Variants in MALRD1 observed in about 807,000 individuals in gnomAD.
MALRD1 encodes MAM and LDL receptor class A domain containing 1.
In MALRD1, 247 loss-of-function variants were observed where a neutral mutation model predicts 242.1. The ratio of observed to expected loss-of-function variants is 1.02; its 90% confidence interval spans 0.92 to 1.13. The LOEUF (loss-of-function observed/expected upper bound fraction) is 1.13. Among genes scored for constraint, MALRD1 ranks in the 50% most tolerant of loss-of-function variants. MALRD1 has a pLI of 0.00. For missense variants in MALRD1, 2,989 were observed against 2,533.1 expected (o/e 1.18, Z -3.86); for synonymous variants, 995 against 866.6 (o/e 1.15, Z -2.60).
At chr10:19,641,477 G>A (rs1840382875) in intron 36 of MALRD1, among the ~76,000 whole-genome samples, 1 of 152,124 alleles carries the variant, frequency 6.6e-6, no homozygotes, top group Non-Finnish European at 1.5e-5. Context: ...TAAGAAAGAT[G>A]TATAATTTTG....
intron 5 of MALRD1, among the ~76,000 whole-genome samples, chr10:19,108,387 CTTTTTTTTTTTTTTTTTTTTTTT>C (rs35948766): frequency 1.0e-4 from 2 of 19,764 alleles, no homozygotes; most frequent in Non-Finnish European, 1.6e-4. Context: ...ATTGTTTTTT[CTTTTTTTTTTTTTTTTTTTTTTT>C]TTTTTTTTTT....
chr10:19,585,867 C>G (rs1221349553), intron 33 of MALRD1, among the ~76,000 whole-genome samples: 6 of 152,332 alleles, frequency 3.9e-5, no homozygotes, highest in African/African-American at 1.4e-4. Context: ...GTACACCAAT[C>G]AGACGTAGAT....
chr10:19,243,175 C>A (rs1427135382), intron 18 of MALRD1, among the ~76,000 whole-genome samples: 1 of 151,260 alleles, frequency 6.6e-6, no homozygotes, highest in Non-Finnish European at 1.5e-5. Context: ...AACAACTTAA[C>A]TTCTGTCACA....
intron 32 of MALRD1, among the ~76,000 whole-genome samples, chr10:19,547,818 ATTTTTTTTTTTTT>A (rs869038128): frequency 1.2e-4 from 2 of 16,914 alleles, no homozygotes; most frequent in African/African-American, 3.9e-4. Flanking sequence ...ATATATATAT[ATTTTTTTTTTTTT>A]TTTTTTTTTT....
At chr10:19,259,138 A>C (rs144011673) in intron 19 of MALRD1, among the ~76,000 whole-genome samples, 165 of 152,296 alleles carry the variant, frequency 1.1e-3, no homozygotes, top group African/African-American at 3.7e-3. Context: ...AGGTCATTCT[A>C]TTGTCAGAAT....
chr10:19,551,233 A>G (rs1404738905), intron 32 of MALRD1, among the ~76,000 whole-genome samples: 3 of 152,108 alleles, frequency 2.0e-5, no homozygotes, highest in Non-Finnish European at 4.4e-5. Context: ...CAGTATGCAA[A>G]TATTTCCTCC....
chr10:19,244,642 G>C (rs750227469), intron 18 of MALRD1, among the ~76,000 whole-genome samples: 3 of 152,116 alleles, frequency 2.0e-5, no homozygotes, highest in Non-Finnish European at 2.9e-5. Flanking sequence ...CAAGGCTAAT[G>C]ACTTTTAAAA....
intron 36 of MALRD1, among the ~76,000 whole-genome samples, chr10:19,621,738 C>A (rs1839411650): frequency 6.6e-6 from 1 of 151,654 alleles, no homozygotes. Flanking sequence ...CAGCAAGTAC[C>A]TGAAATTTTT....
At chr10:19,337,859 A>G (rs10400090) in intron 24 of MALRD1, among the ~76,000 whole-genome samples, 88,179 of 151,616 alleles carry the variant, frequency 0.58, 25,825 homozygotes, top group Middle Eastern at 0.61. Context: ...TCAGGAGATC[A>G]AGACCATCCT....
chr10:19,578,334 A>T (rs1836932357), intron 33 of MALRD1, among the ~76,000 whole-genome samples: 1 of 152,172 alleles, frequency 6.6e-6, no homozygotes, highest in Admixed American at 6.6e-5. Flanking sequence ...GACTGTGTAT[A>T]CATATATGAG....
chr10:19,336,366 C>T (rs759273671), intron 24 of MALRD1, among the ~76,000 whole-genome samples: 16 of 152,122 alleles, frequency 1.1e-4, no homozygotes, highest in Admixed American at 5.9e-4. Context: ...TAACTTTGTG[C>T]TGTGGTAAGG....
intron 13 of MALRD1, among the ~76,000 whole-genome samples, chr10:19,169,154 G>A (rs1021364150): frequency 6.6e-6 from 1 of 152,002 alleles, no homozygotes; most frequent in Non-Finnish European, 1.5e-5. Context: ...TGATAGGTTT[G>A]ATTAAACAGT....
Position 19,331,504 on chromosome 10 carries a change from C to T in MALRD1, c.3823C>T (p.His1275Tyr). The change falls in exon 24 of 40, where the codon CAC becomes TAC. Residue 1275 changes from histidine (H) to tyrosine (Y), a missense_variant. Transcript: ENST00000454679. ...TDHEFMCANK[H>Y]CIAKDKLCDF... ...TCATGAATTCATGTGTGCTAATAAG[C>T]ACTGCATTGCCAAAGACAAGCTGTG... 1.0e-5 allele frequency: 16 copies of T among 1,550,354 alleles called. No individual in the cohort carries two copies. The highest frequency in any genetic ancestry group is 1.4e-5 in the Non-Finnish European group (16 of 1,146,810).
intron 28 of MALRD1, among the ~76,000 whole-genome samples, chr10:19,392,906 GC>G (rs1443254597): frequency 2.0e-5 from 3 of 152,118 alleles, no homozygotes; most frequent in Non-Finnish European, 2.9e-5. Context: ...CTTCAACCAA[GC>G]CAAACACTGT....
At chr10:19,132,584 A>G (rs1271886201) in intron 8 of MALRD1, among the ~76,000 whole-genome samples, 1 of 152,200 alleles carries the variant, frequency 6.6e-6, no homozygotes, top group Non-Finnish European at 1.5e-5. Flanking sequence ...AGGCTGAGTG[A>G]GGACACAAAT....
At chr10:19,391,212 T>C (rs1380988619) in intron 28 of MALRD1, among the ~76,000 whole-genome samples, 1 of 152,174 alleles carries the variant, frequency 6.6e-6, no homozygotes, top group Non-Finnish European at 1.5e-5. Flanking sequence ...AAAAAGCCTG[T>C]CTTCCTACTG....
intron 29 of MALRD1, among the ~76,000 whole-genome samples, chr10:19,466,307 A>AT (rs1361730115): frequency 1.3e-5 from 2 of 151,416 alleles, no homozygotes; most frequent in African/African-American, 2.4e-5. Context: ...TTTGATGAAA[A>AT]TTTTTTTTCC....
chr10:19,627,772 A>G (rs1350369411), intron 36 of MALRD1, among the ~76,000 whole-genome samples: 1 of 150,022 alleles, frequency 6.7e-6, no homozygotes, highest in African/African-American at 2.5e-5. Context: ...AAAAAAAAAA[A>G]AAAAAAGGAA....
chr10:19,129,606 T>G (rs1239826908), intron 8 of MALRD1, among the ~76,000 whole-genome samples: 3 of 152,020 alleles, frequency 2.0e-5, no homozygotes, highest in Non-Finnish European at 2.9e-5. Context: ...AATCATAGCT[T>G]GATCTTTCTG....
Sources: allele counts gnomAD v4.1 joint callset (sites outside exome capture counted in the v4.1 genomes callset), GRCh38; gene constraint gnomAD v4.1.1; transcripts MANE v1.5; gene names NCBI Gene and HGNC (gene_info 2026-07-23, HGNC 2026-07-21).